OSBPL9: variants seen among roughly 807,000 people sequenced by gnomAD.
OSBPL9 encodes the protein oxysterol binding protein like 9.
Under a neutral mutation model 106.6 loss-of-function variants are expected in OSBPL9, and 40 were observed. The observed-to-expected ratio is 0.38, with a 90% CI of 0.29 to 0.49. The LOEUF is 0.49. Among genes scored for constraint, OSBPL9 ranks in the 20% least tolerant of loss-of-function variants. The probability of loss-of-function intolerance (pLI) is 0.97; values close to 1 mark genes in which losing one functional copy is unlikely to be tolerated. For missense variants in OSBPL9, 609 were observed against 887.2 expected, an observed-to-expected ratio of 0.69 and a Z score of 3.98; for synonymous variants, 269 against 295.4, an observed-to-expected ratio of 0.91 and a Z score of 0.92.
At chr1:51,742,527 G>A (rs929464910) in intron 4 of OSBPL9, among the ~76,000 whole-genome samples, 8 of 150,572 alleles carry the variant, frequency 5.3e-5, no homozygotes, top group South Asian at 4.2e-4. Flanking sequence ...ATTTTATTGC[G>A]GAGACAGGGT....
chr1:51,758,912 TATCTGAAA>T (rs1213440768), intron 9 of OSBPL9, among the ~76,000 whole-genome samples: 1 of 152,160 alleles, frequency 6.6e-6, no homozygotes, highest in Admixed American at 6.5e-5. Context: ...CTTGGTCTAG[TATCTGAAA>T]ATAGAATCAA....
At chr1:51,685,663 G>A (rs1433509704) in intron 3 of OSBPL9, among the ~76,000 whole-genome samples, 1 of 152,124 alleles carries the variant, frequency 6.6e-6, no homozygotes, top group African/African-American at 2.4e-5. Flanking sequence ...CTCCCAAAGT[G>A]CCGGGATTAC....
At chr1:51,524,566 C>T in the OSBPL9 span, among the ~76,000 whole-genome samples, 1 of 152,296 alleles carries the variant, frequency 6.6e-6, no homozygotes, top group African/African-American at 2.4e-5. Context: ...TACTGGAGAA[C>T]ATGTAGGCTT....
At chr1:51,603,393 T>C (rs1396057420) in intron 2 of OSBPL9, among the ~76,000 whole-genome samples, 1 of 152,194 alleles carries the variant, frequency 6.6e-6, no homozygotes, top group Non-Finnish European at 1.5e-5. Context: ...GAGAACAAGA[T>C]TTTTAGATTT....
rs748257994 is a variant in OSBPL9, at chr1:51,660,940, G to A, written c.163-8494G>A. Among the ~76,000 whole-genome samples the A allele has an allele frequency of 1.7e-3, 252 of 152,252 alleles. 3 individuals carry two copies. The highest frequency in any genetic ancestry group is 9.1e-4 in the Non-Finnish European group (62 of 68,022). On this transcript the variant is annotated intron_variant, in intron 2 of 23. Coordinates refer to ENST00000428468, the MANE Select transcript of OSBPL9 (RefSeq NM_024586.6). Reference sequence around the variant, plus strand: ...ACAGGCTTTGGATCAGGGTTTGCAAGACCTAGTATTCTTCTCCCTTTTAGT... The same window carrying A: ...ACAGGCTTTGGATCAGGGTTTGCAAAACCTAGTATTCTTCTCCCTTTTAGT...
intron 16 of OSBPL9, 83 bp from the exon 17 acceptor site, chr1:51,782,474 CGA>C: frequency 1.9e-6 from 2 of 1,078,222 alleles, no homozygotes; most frequent in Non-Finnish European, 2.8e-6. Context: ...GTGTGTAGAG[CGA>C]GCAGAGACCC....
rs555484100 is a variant in OSBPL9, at chr1:51,611,383, A to G, written c.-352-2922A>G. Among the ~76,000 whole-genome samples, 13 of 152,336 alleles carry G rather than the reference A, an allele frequency of 8.5e-5. No individual in the cohort carries two copies. In the South Asian group the frequency reaches 1.0e-3, roughly 12 times the overall value. On this transcript the variant is annotated intron_variant, in intron 2 of 25. Transcript: ENST00000371714. ...GTAGGTTTCTGTGTTTTTCCTTAAT[A>G]AAACAACACTGTAGGAATGTTGTTT...
intron 4 of OSBPL9, among the ~76,000 whole-genome samples, chr1:51,743,304 A>T (rs1420236091): frequency 6.6e-6 from 1 of 152,158 alleles, no homozygotes; most frequent in Non-Finnish European, 1.5e-5. Context: ...GAGTTAAAAG[A>T]AGGTTATGGA....
intron 16 of OSBPL9, 113 bp downstream of exon 16, chr1:51,781,448 T>C (rs1436844904): frequency 9.3e-6 from 10 of 1,080,944 alleles, no homozygotes; most frequent in African/African-American, 4.8e-5. Flanking sequence ...TCACCACCCA[T>C]AGAAGAAATT....
intron 9 of OSBPL9, 28 bp from the exon 10 acceptor site, chr1:51,760,662 A>G: frequency 6.2e-7 from 1 of 1,612,978 alleles, no homozygotes; most frequent in South Asian, 1.1e-5. Context: ...TTAATTAAAA[A>G]TAGCTATATT....
chr1:51,590,883 G>A (rs1450464600), intron 1 of OSBPL9, among the ~76,000 whole-genome samples: 5 of 151,200 alleles, frequency 3.3e-5, no homozygotes, highest in African/African-American at 1.2e-4. Context: ...CCAGGTAGCT[G>A]GGACTACAGG....
upstream of OSBPL9, among the ~76,000 whole-genome samples, chr1:51,575,197 T>G (rs766957227): frequency 2.0e-5 from 3 of 151,866 alleles, no homozygotes; most frequent in Non-Finnish European, 4.4e-5. Flanking sequence ...ATCTAGGTTT[T>G]GTTTGTTTGT....
chr1:51,619,156 A>G (rs1644269031), intron 1 of OSBPL9, among the ~76,000 whole-genome samples: 1 of 152,200 alleles, frequency 6.6e-6, no homozygotes, highest in African/African-American at 2.4e-5. Flanking sequence ...ATTGGGTTTA[A>G]GTAGATGTGA....
chr1:51,647,174 G>GATCATCTCAAA (rs1319541288), intron 1 of OSBPL9, among the ~76,000 whole-genome samples: 3 of 152,014 alleles, frequency 2.0e-5, no homozygotes, highest in Non-Finnish European at 4.4e-5. Context: ...TGTGTCTTTT[G>GATCATCTCAAA]AGATGATCAT....
At chr1:51,769,930 T>C (rs1673473773) in intron 12 of OSBPL9, among the ~76,000 whole-genome samples, 2 of 152,194 alleles carry the variant, frequency 1.3e-5, no homozygotes, top group Admixed American at 6.5e-5. Context: ...TGACTCTATT[T>C]TGAGATACAT....
At chr1:51,623,572 G>A (rs1417402351) in intron 1 of OSBPL9, among the ~76,000 whole-genome samples, 1 of 152,162 alleles carries the variant, frequency 6.6e-6, no homozygotes, top group Non-Finnish European at 1.5e-5. Context: ...CTTGTAAAAG[G>A]AGTCGTTAGA....
At chr1:51,572,734 T>TA (rs1165336314), upstream of OSBPL9, among the ~76,000 whole-genome samples, 1 of 152,196 alleles carries the variant, frequency 6.6e-6, no homozygotes, top group Non-Finnish European at 1.5e-5. Flanking sequence ...AATCACATAT[T>TA]AAAGTTGTTA....
rs377518457 is a variant in OSBPL9 at position 51,776,732 on chromosome 1, T to G, written c.1171-101T>G. On this transcript the variant is annotated intron_variant, in intron 14 of 23. Coordinates refer to ENST00000428468, the MANE Select transcript of OSBPL9 (RefSeq NM_024586.6). ...ATATGTGGTGGATGTTACCATGATT[T>G]GAATGAGGTGGTGTTTTGTTTTGTT... 237 of 758,114 alleles carry G rather than the reference T, an allele frequency of 3.1e-4. No individual in the cohort carries two copies. In the African/African-American group the frequency reaches 4.0e-3, roughly 13 times the overall value. The allele number at this position is 758,114 out of a possible 1,614,324, so 47.0% of individuals were successfully genotyped here.
At chr1:51,772,328 A>G (rs1326812553) in intron 13 of OSBPL9, 146 bp downstream of exon 13, 1 of 684,058 alleles carries the variant, frequency 1.5e-6, no homozygotes, top group Non-Finnish European at 2.5e-6. Flanking sequence ...CCTGACCAAC[A>G]TGGTGAAACC....
Sources: allele counts gnomAD v4.1 joint callset (sites outside exome capture counted in the v4.1 genomes callset), GRCh38; gene constraint gnomAD v4.1.1; transcripts MANE v1.5; gene names NCBI Gene and HGNC (gene_info 2026-07-23, HGNC 2026-07-21).